Variants in PIKFYVE observed in about 807,000 individuals in gnomAD.
PIKFYVE encodes the protein phosphoinositide kinase, FYVE-type zinc finger containing, also known as 1-phosphatidylinositol 3-phosphate 5-kinase.
PIKFYVE carries 122 observed loss-of-function variants against 257.9 expected under a neutral mutation model. That is an observed-to-expected ratio of 0.47 (90% CI 0.41 to 0.55). The LOEUF (loss-of-function observed/expected upper bound fraction) is 0.55, where lower values mean the gene tolerates loss of function less well. PIKFYVE is among the 20% of genes least tolerant of loss of function. The pLI, the probability that PIKFYVE is intolerant of heterozygous loss-of-function variation, is 0.00. For synonymous variants in PIKFYVE, 892 were observed against 868.9 expected, an observed-to-expected ratio of 1.03 and a Z score of -0.47; for missense variants, 2,160 against 2,536.6, an observed-to-expected ratio of 0.85 and a Z score of 3.19.
At chr2:208,306,231 T>A (rs759754191) in intron 12 of PIKFYVE, among the ~76,000 whole-genome samples, 2 of 152,164 alleles carry the variant, frequency 1.3e-5, no homozygotes, top group Non-Finnish European at 2.9e-5. Flanking sequence ...AAGATAGACA[T>A]CTTTATGGAA....
intron 6 of PIKFYVE, among the ~76,000 whole-genome samples, chr2:208,286,739 T>G (rs1251963040): frequency 1.3e-5 from 2 of 151,732 alleles, no homozygotes; most frequent in East Asian, 3.9e-4. Flanking sequence ...CAGGCTGTCT[T>G]GAACTCCTGG....
At chr2:208,286,732 G>C (rs912265167) in intron 6 of PIKFYVE, among the ~76,000 whole-genome samples, 2 of 151,348 alleles carry the variant, frequency 1.3e-5, no homozygotes, top group Middle Eastern at 6.3e-3. Context: ...TGTTGACCAG[G>C]CTGTCTTGAA....
At position 208,324,413 on chromosome 2, in the gene PIKFYVE, A is replaced by G. The variant is rs895848467; in HGVS notation, c.2331+131A>G. 52 of 907,790 alleles carry G rather than the reference A, an allele frequency of 5.7e-5. No individual in the cohort carries two copies. In the African/African-American group the frequency reaches 6.1e-4, roughly 11 times the overall value. The allele number at this position is 907,790 out of a possible 1,614,324, so 56.2% of individuals were successfully genotyped here. ...TTGTATTGAAAGTGGGACAGAAGAT[A>G]TGGCACCTATTTCATTAAGATTCAG... On this transcript the variant is annotated intron_variant, in intron 18 of 41. Coordinates refer to ENST00000264380, the MANE Select transcript of PIKFYVE (RefSeq NM_015040.4).
Position 208,325,295 on chromosome 2 carries a change from T to A in PIKFYVE, c.2484T>A (p.Phe828Leu). The A allele has an allele frequency of 6.2e-7, 1 of 1,614,082 alleles. No homozygotes were observed. The stretch of plus-strand genomic sequence containing the variant: ...AACAAACCAAGACACTGATGTTTTT[T>A]GAAGGTTGTCCACAGCACCTAGGCT... ...PNEQTKTLMF[F>L]EGCPQHLGCT... The change falls in exon 20 of 42, where the codon TTT (phenylalanine) becomes TTA (leucine). Residue 828 changes from phenylalanine to leucine, a missense_variant. Around this residue, in one of 12 missense-constraint regions of PIKFYVE, gnomAD observed 522 missense variants for 514.6 expected, o/e 1.01. Coordinates refer to ENST00000264380, the MANE Select transcript of PIKFYVE (RefSeq NM_015040.4).
rs77757705 is a variant in PIKFYVE at position 208,333,340 on chromosome 2, A to G, written c.3989A>G (p.Asn1330Ser). ...KQVTPVVALS[N>S]ESWSMSFAKY... is the part of the protein sequence containing the mutation. ...GTAACACCAGTTGTTGCTCTTTCCA[A>G]TGAGTCCTGGTCTATGTCATTTGCA... is the stretch of plus-strand genomic sequence containing the variant. Residue 1330 changes from asparagine to serine, a missense_variant, in exon 24 of 42, where the codon AAT becomes AGT. Physicochemically the swap from Asn to Ser is conservative, Grantham distance 46. This residue lies in a region of PIKFYVE where 699 missense variants were observed against 855.8 expected (regional missense o/e 0.82). Coordinates refer to ENST00000264380, the MANE Select transcript of PIKFYVE (RefSeq NM_015040.4). 239 of 1,614,180 alleles carry G rather than the reference A, an allele frequency of 1.5e-4. No homozygotes were observed. The highest frequency in any genetic ancestry group is 2.2e-4 in the South Asian group (20 of 91,074).
chr2:208,270,765 G>A (rs1282974161), intron 1 of PIKFYVE, among the ~76,000 whole-genome samples: 1 of 152,188 alleles, frequency 6.6e-6, no homozygotes, highest in Admixed American at 6.5e-5. Flanking sequence ...CAGGCATGGT[G>A]GCTCATGCCT....
At chr2:208,266,785 G>T (rs1029721892) in intron 1 of PIKFYVE, among the ~76,000 whole-genome samples, 1 of 152,214 alleles carries the variant, frequency 6.6e-6, no homozygotes. Flanking sequence ...TGTCAGAGGC[G>T]CATCCGTAGG....
In PIKFYVE at chr2:208,315,365, A is replaced by G. The variant is rs138281079; in HGVS notation, c.1999A>G (p.Ile667Val). 2.1e-5 allele frequency: 34 copies of G among 1,614,114 alleles called. No homozygotes were observed. In the African/African-American group the frequency reaches 2.9e-4, roughly 14 times the overall value. ...DDMDIRQFVHIKKIPGGKKFD... is the reference protein window; with the variant it reads ...DDMDIRQFVHVKKIPGGKKFD... ...CATGGATATCCGTCAGTTTGTCCAC[A>G]TCAAAAAAGTGAGCTCTGCTAATGT... The change falls in exon 15 of 42, where the codon ATC becomes GTC. Residue 667 changes from isoleucine (I) to valine (V), a missense_variant. Ile to Val is a conservative substitution (Grantham distance 29, BLOSUM62 3). Coordinates refer to ENST00000264380, the MANE Select transcript of PIKFYVE (RefSeq NM_015040.4).
chr2:208,344,453 A>G (rs1699032318), intron 32 of PIKFYVE, among the ~76,000 whole-genome samples: 1 of 152,192 alleles, frequency 6.6e-6, no homozygotes, highest in Admixed American at 6.5e-5. Flanking sequence ...TGAACATAAT[A>G]TAAGCTTCTC....
intron 11 of PIKFYVE, 133 bp downstream of exon 11, chr2:208,304,451 CAGTCTT>C: frequency 8.3e-7 from 1 of 1,204,682 alleles, no homozygotes; most frequent in Non-Finnish European, 1.2e-6. Context: ...CATCTGATAG[CAGTCTT>C]TGTCTTAGAT....
intron 23 of PIKFYVE, among the ~76,000 whole-genome samples, chr2:208,332,342 ATTC>A (rs1697640701): frequency 6.6e-6 from 1 of 152,188 alleles, no homozygotes; most frequent in Non-Finnish European, 1.5e-5. Context: ...GGAAATTGAT[ATTC>A]TTAAATATTG....
In PIKFYVE at chr2:208,315,357, T is replaced by A. The variant is rs1324798388; in HGVS notation, c.1991T>A (p.Phe664Tyr). 2 of 1,614,116 alleles carry A rather than the reference T, an allele frequency of 1.2e-6. No homozygotes were observed. Among genetic ancestry groups the A allele is most frequent in the Non-Finnish European group, 8.5e-7 (1 of 1,179,996 alleles). The change falls in exon 15 of 42, where the codon TTT becomes TAT. Residue 664 changes from phenylalanine (F) to tyrosine (Y), a missense_variant. Phe to Tyr is a conservative substitution (Grantham distance 22). Around this residue, in one of 12 missense-constraint regions of PIKFYVE, gnomAD observed 346 missense variants for 365.6 expected, o/e 0.95. Transcript: ENST00000264380. ...GATGATGACATGGATATCCGTCAGT[T>A]TGTCCACATCAAAAAAGTGAGCTCT... is the stretch of plus-strand genomic sequence containing the variant. ...NQDDDMDIRQ[F>Y]VHIKKIPGGK...
chr2:208,332,166 C>T (rs1467505347), intron 23 of PIKFYVE, among the ~76,000 whole-genome samples: 4 of 152,034 alleles, frequency 2.6e-5, no homozygotes, highest in Non-Finnish European at 4.4e-5. Flanking sequence ...GGGCAGAGGA[C>T]ATGACAATGC....
Position 208,358,725 on chromosome 2 carries a change from C to A in PIKFYVE, c.*3420C>A, listed in dbSNP as rs1350783815. 6.6e-6 allele frequency: 1 copy of A among 152,540 alleles called. No individual in the cohort carries two copies. Among genetic ancestry groups the A allele is most frequent in the East Asian group, 1.9e-4 (1 of 5,188 alleles). 9.4% of individuals were successfully genotyped at this position (152,540 alleles called of 1,614,324 possible). On this transcript the variant is annotated 3_prime_UTR_variant, in exon 42 of 42. Coordinates refer to ENST00000264380, the MANE Select transcript of PIKFYVE (RefSeq NM_015040.4). ...TGTACTGTAAATAAAGAAATCTTAA[C>A]AATAAACTCAGAATCTACTTACTCC... is the stretch of plus-strand genomic sequence containing the variant.
rs916079259 is a variant in PIKFYVE at position 208,272,051 on chromosome 2, G to A, written c.172+360G>A. 7.9e-5 allele frequency among the ~76,000 whole-genome samples: 12 copies of A among 152,134 alleles called. No individual in the cohort carries two copies. In the East Asian group the frequency reaches 2.3e-3, roughly 29 times the overall value. ...AGATCAAGACCATCCTGGCTAACAC[G>A]GTGAAATCCCGTCTCTACTAAAAAT... is the stretch of plus-strand genomic sequence containing the variant. On this transcript the variant is annotated intron_variant, in intron 2 of 41. Transcript: ENST00000264380.
chr2:208,295,790 G>A (rs528628025), intron 7 of PIKFYVE, among the ~76,000 whole-genome samples: 1 of 152,288 alleles, frequency 6.6e-6, no homozygotes, highest in Non-Finnish European at 1.5e-5. Context: ...ATATGTGGGG[G>A]AGATACTTTG....
At chr2:208,341,087 A>C (rs990471946) in intron 31 of PIKFYVE, among the ~76,000 whole-genome samples, 3 of 151,834 alleles carry the variant, frequency 2.0e-5, no homozygotes, top group African/African-American at 7.3e-5. Context: ...GGCTCATTGC[A>C]ACCTCTGCCT....
chr2:208,326,070 TG>T lies in PIKFYVE; in HGVS notation c.3261del (p.Trp1087CysfsTer30). The stretch of plus-strand genomic sequence containing the variant: ...AGATTATTTTGCAGAGCAGGTTTAC[TG>T]GTCTCCTCTCCTCAATAAAGAATTC... Reference protein sequence around the residue: ...TRDYFAEQVYWSPLLNKEFKE... With the variant: ...TRDYFAEQVYXSPLLNKEFKE... On this transcript the variant is annotated frameshift_variant, in exon 20 of 42. Coordinates refer to ENST00000264380, the MANE Select transcript of PIKFYVE (RefSeq NM_015040.4). LOFTEE classifies it high-confidence loss of function. The T allele has an allele frequency of 6.2e-7, 1 of 1,614,162 alleles. No individual in the cohort carries two copies. Among genetic ancestry groups the T allele is most frequent in the South Asian group, 1.1e-5 (1 of 91,088 alleles).
chr2:208,325,492 A>G lies in PIKFYVE; in HGVS notation c.2681A>G (p.Glu894Gly). 6.2e-7 allele frequency: 1 copy of G among 1,614,160 alleles called. No individual in the cohort carries two copies. Among genetic ancestry groups the G allele is most frequent in the Non-Finnish European group, 8.5e-7 (1 of 1,180,008 alleles). ...AACCCTTCATTCCATTCCCTGATTG[A>G]GGGACGAGGGCATGAGGGGGCTGTC... ...MQNPSFHSLIEGRGHEGAVQE... is the reference protein window; with the variant it reads ...MQNPSFHSLIGGRGHEGAVQE... The change falls in exon 20 of 42, where the codon GAG becomes GGG. Residue 894 changes from glutamate (E) to glycine (G), a missense_variant. Around this residue, in one of 12 missense-constraint regions of PIKFYVE, gnomAD observed 522 missense variants for 514.6 expected, o/e 1.01. Transcript: ENST00000264380.
Sources: allele counts gnomAD v4.1 joint callset (sites outside exome capture counted in the v4.1 genomes callset), GRCh38; gene constraint gnomAD v4.1.1; regional missense constraint gnomAD v4.1.1; transcripts MANE v1.5; gene names NCBI Gene and HGNC (gene_info 2026-07-23, HGNC 2026-07-21).